The following MIPOL1 variants were observed in gnomAD, a reference collection of about 807,000 sequenced individuals.
MIPOL1 encodes the protein mirror-image polydactyly gene 1 protein.
Under a neutral mutation model 60.9 loss-of-function variants are expected in MIPOL1, and 57 were observed. The observed-to-expected ratio is 0.94, with a 90% CI of 0.76 to 1.17. The LOEUF is 1.17. Among genes scored for constraint, MIPOL1 ranks in the 50% most tolerant of loss-of-function variants. MIPOL1 has a pLI of 0.00. For missense variants in MIPOL1, 551 were observed against 511.6 expected (o/e 1.08, Z -0.74); for synonymous variants, 179 against 168.8 (o/e 1.06, Z -0.47).
chr14:37,296,816 G>C (rs1257751464), intron 7 of MIPOL1, among the ~76,000 whole-genome samples: 1 of 152,078 alleles, frequency 6.6e-6, no homozygotes, highest in African/African-American at 2.4e-5. Context: ...ATAATTAATA[G>C]CTTACCAACC....
chr14:37,541,677 A>G (rs948823837), intron 12 of MIPOL1, among the ~76,000 whole-genome samples: 3 of 152,094 alleles, frequency 2.0e-5, no homozygotes, highest in Non-Finnish European at 2.9e-5. Context: ...TTTCTATTCC[A>G]TGAGGAAAAT....
At chr14:37,310,949 TC>T in intron 9 of MIPOL1, among the ~76,000 whole-genome samples, 1 of 152,282 alleles carries the variant, frequency 6.6e-6, no homozygotes, top group East Asian at 1.9e-4. Context: ...GAAACAAGTC[TC>T]AAATCTCCAT....
In MIPOL1 at chr14:37,233,652, G is replaced by C. The variant is rs180820221; in HGVS notation, c.-198-13451G>C. ...GAAGGAGCCAAATCAGGACTATAAG[G>C]TGAATACTTAATGATTTCCCATCAG... On this transcript the variant is annotated intron_variant, in intron 1 of 12. Coordinates refer to ENST00000684589, the MANE Select transcript of MIPOL1 (RefSeq NM_001388067.1). Among the ~76,000 whole-genome samples the C allele has an allele frequency of 1.8e-3, 267 of 152,252 alleles. 1 individual carries two copies. The highest frequency in any genetic ancestry group is 6.0e-3 in the African/African-American group (250 of 41,544).
At chr14:37,363,017 T>C (rs1477517572) in intron 9 of MIPOL1, among the ~76,000 whole-genome samples, 11 of 152,168 alleles carry the variant, frequency 7.2e-5, no homozygotes, top group Admixed American at 7.2e-4. Flanking sequence ...GTCCAACCTT[T>C]TTTCAAGATT....
intron 12 of MIPOL1, among the ~76,000 whole-genome samples, chr14:37,529,520 G>A (rs1343686219): frequency 6.6e-6 from 1 of 151,998 alleles, no homozygotes; most frequent in Non-Finnish European, 1.5e-5. Context: ...TGTAATTTGT[G>A]TATATGTATG....
intron 3 of MIPOL1, among the ~76,000 whole-genome samples, chr14:37,265,624 G>A (rs2082820879): frequency 6.6e-6 from 1 of 152,062 alleles, no homozygotes; most frequent in Admixed American, 6.6e-5. Context: ...TGATTTGCTG[G>A]AATCATACTT....
At chr14:37,245,192 T>TA (rs1027356383) in intron 1 of MIPOL1, among the ~76,000 whole-genome samples, 3 of 152,098 alleles carry the variant, frequency 2.0e-5, no homozygotes, top group Admixed American at 6.6e-5. Flanking sequence ...AAAAGTAGCT[T>TA]AAAAAATTAA....
At chr14:37,272,103 A>G (rs1484266026) in intron 6 of MIPOL1, among the ~76,000 whole-genome samples, 3 of 151,352 alleles carry the variant, frequency 2.0e-5, no homozygotes, top group Non-Finnish European at 4.4e-5. Flanking sequence ...ACAAAATATT[A>G]TATTAATAAA....
chr14:37,450,229 C>G (rs865821916), intron 11 of MIPOL1, among the ~76,000 whole-genome samples: 30 of 152,258 alleles, frequency 2.0e-4, no homozygotes, highest in Middle Eastern at 3.4e-3. Context: ...CTCCCTGTTG[C>G]TGTCTAGACC....
At chr14:37,463,797 G>A (rs2094567350) in intron 11 of MIPOL1, among the ~76,000 whole-genome samples, 1 of 151,924 alleles carries the variant, frequency 6.6e-6, no homozygotes, top group Non-Finnish European at 1.5e-5. Flanking sequence ...ACAGCAAAAG[G>A]AATAATCAAC....
intron 12 of MIPOL1, among the ~76,000 whole-genome samples, chr14:37,538,869 C>T (rs1438642621): frequency 6.6e-6 from 1 of 152,160 alleles, no homozygotes; most frequent in Non-Finnish European, 1.5e-5. Context: ...CCACCCAGCC[C>T]CAGTGGACTA....
At chr14:37,328,672 G>A (rs1056540757) in intron 9 of MIPOL1, among the ~76,000 whole-genome samples, 12 of 152,110 alleles carry the variant, frequency 7.9e-5, no homozygotes, top group Non-Finnish European at 1.5e-4. Context: ...TTTTGGAGTA[G>A]TGCTTGTCCC....
intron 12 of MIPOL1, among the ~76,000 whole-genome samples, chr14:37,500,915 C>T (rs915432308): frequency 2.0e-4 from 31 of 152,150 alleles, no homozygotes; most frequent in African/African-American, 7.2e-4. Flanking sequence ...ATCTAGTCAC[C>T]TTCAATTTCA....
chr14:37,491,078 G>A (rs1251895399), intron 11 of MIPOL1, among the ~76,000 whole-genome samples: 1 of 152,096 alleles, frequency 6.6e-6, no homozygotes, highest in African/African-American at 2.4e-5. Context: ...TGTTGCCTGA[G>A]AACTATACAG....
intron 11 of MIPOL1, among the ~76,000 whole-genome samples, chr14:37,456,237 T>G (rs192025476): frequency 7.5e-4 from 114 of 152,192 alleles, no homozygotes; most frequent in African/African-American, 2.7e-3. Flanking sequence ...ATTGAATCTA[T>G]CTTTTAAATA....
At chr14:37,226,341 T>A (rs1969730929) in intron 1 of MIPOL1, among the ~76,000 whole-genome samples, 1 of 152,208 alleles carries the variant, frequency 6.6e-6, no homozygotes, top group Admixed American at 6.5e-5. Context: ...GAAAGAGGTT[T>A]AATGGATTCA....
chr14:37,546,973 T>TA lies in MIPOL1; in HGVS notation c.*2_*3insA. ...GGGACCATGAGGACAGTGATCTGAT[T>TA]GAAAAAAAACGACAGTCTGGGGAAG... On this transcript the variant is annotated 3_prime_UTR_variant, in exon 13 of 13. Transcript: ENST00000684589. The TA allele has an allele frequency of 6.2e-7, 1 of 1,610,656 alleles. No individual in the cohort carries two copies. The highest frequency in any genetic ancestry group is 8.5e-7 in the Non-Finnish European group (1 of 1,177,782).
rs1352934145 is a variant in MIPOL1 at position 37,284,700 on chromosome 14, T to G, written c.494-618T>G. On this transcript the variant is annotated intron_variant, in intron 6 of 12. Transcript: ENST00000684589. ...ATTCATAAATAGTTGGTAGAGTTGC[T>G]TTACTTTGAAACTTGCTATTTTTGT... Among the ~76,000 whole-genome samples the G allele has an allele frequency of 2.6e-5, 4 of 152,216 alleles. No individual in the cohort carries two copies. In the East Asian group the frequency reaches 7.7e-4, roughly 29 times the overall value.
chr14:37,241,810 C>T (rs913336176), intron 1 of MIPOL1, among the ~76,000 whole-genome samples: 3 of 152,058 alleles, frequency 2.0e-5, no homozygotes, highest in African/African-American at 7.2e-5. Flanking sequence ...TAAATAGTCC[C>T]TAACTGAACT....
Sources: gnomAD v4.1 joint callset for allele counts (sites outside exome capture counted in the v4.1 genomes callset) on GRCh38, gnomAD v4.1.1 for gene constraint, MANE v1.5 for transcripts, NCBI Gene and HGNC (gene_info 2026-07-23, HGNC 2026-07-21) for gene names.